NEK11: variants seen among roughly 807,000 people sequenced by gnomAD.
NEK11 encodes serine/threonine-protein kinase Nek11.
NEK11 carries 72 observed loss-of-function variants against 80.7 expected under a neutral mutation model. That is an observed-to-expected ratio of 0.89 (90% confidence interval 0.74 to 1.08). The LOEUF (loss-of-function observed/expected upper bound fraction) is 1.08. Among genes scored for constraint, NEK11 ranks in the 50% least tolerant of loss-of-function variants. NEK11 has a pLI of 0.00. For missense variants in NEK11, 764 were observed against 763.6 expected (o/e 1.00, Z -0.01); for synonymous variants, 251 against 260.7 (o/e 0.96, Z 0.36).
intron 14 of NEK11, among the ~76,000 whole-genome samples, chr3:131,224,219 T>C (rs943135163): frequency 2.6e-5 from 4 of 151,564 alleles, no homozygotes; most frequent in Non-Finnish European, 5.9e-5. Context: ...GTTACTGCTT[T>C]ATGTATTTAC....
intron 17 of NEK11, among the ~76,000 whole-genome samples, chr3:131,342,308 A>G (rs2097298972): frequency 6.6e-6 from 1 of 152,240 alleles, no homozygotes; most frequent in Non-Finnish European, 1.5e-5. Context: ...GATGCTTGTT[A>G]GCACCAAATG....
intron 17 of NEK11, among the ~76,000 whole-genome samples, chr3:131,334,555 G>C (rs543236534): frequency 6.6e-6 from 1 of 150,534 alleles, no homozygotes; most frequent in African/African-American, 2.5e-5. Flanking sequence ...ACAATTAAAA[G>C]AACTAGAAAA....
intron 3 of NEK11, among the ~76,000 whole-genome samples, chr3:131,030,245 AAAG>A (rs574307558): frequency 5.3e-5 from 8 of 152,178 alleles, no homozygotes; most frequent in Non-Finnish European, 1.0e-4. Flanking sequence ...AAAAAAAAAA[AAAG>A]AACATGGAGT....
chr3:131,217,803 CACA>C (rs1561030326), intron 14 of NEK11, among the ~76,000 whole-genome samples: 2 of 152,198 alleles, frequency 1.3e-5, no homozygotes, highest in Non-Finnish European at 2.9e-5. Context: ...AAAAAATTCT[CACA>C]ACAACAATTA....
intron 14 of NEK11, among the ~76,000 whole-genome samples, chr3:131,177,483 A>G (rs2093095550): frequency 6.6e-6 from 1 of 152,158 alleles, no homozygotes; most frequent in Non-Finnish European, 1.5e-5. Flanking sequence ...CAGATATAGA[A>G]TGGTTAGATG....
intron 14 of NEK11, among the ~76,000 whole-genome samples, chr3:131,227,489 C>A (rs562253058): frequency 5.3e-4 from 80 of 152,194 alleles, no homozygotes; most frequent in Non-Finnish European, 9.7e-4. Flanking sequence ...AAGTCTCTTG[C>A]ACAAATTTTC....
intron 17 of NEK11, chr3:131,330,644 T>C (rs2097060787): frequency 6.6e-6 from 1 of 152,246 alleles, no homozygotes; most frequent in African/African-American, 2.4e-5. Flanking sequence ...TCATCATTGT[T>C]ACTGATTTTT....
chr3:131,243,408 A>G lies in NEK11; in HGVS notation c.1561-28A>G, dbSNP rs1318857090. 6 of 1,606,870 alleles carry G rather than the reference A, an allele frequency of 3.7e-6. No individual in the cohort carries two copies. In the African/African-American group the frequency reaches 6.7e-5, roughly 18 times the overall value. ...AAGTATCCTTCTACCATACAGGGAA[A>G]ATAAACATTTCTCCCTTATTTTGAC... On this transcript the variant is annotated intron_variant, in intron 15 of 17. Transcript: ENST00000383366.
chr3:131,332,535 CTG>C (rs2097108529), intron 17 of NEK11, among the ~76,000 whole-genome samples: 1 of 152,200 alleles, frequency 6.6e-6, no homozygotes, highest in Non-Finnish European at 1.5e-5. Flanking sequence ...AGCAGAAAAA[CTG>C]GAAACTCTAA....
intron 17 of NEK11, among the ~76,000 whole-genome samples, chr3:131,337,611 A>G (rs990098957): frequency 7.6e-5 from 11 of 144,822 alleles, no homozygotes; most frequent in Non-Finnish European, 1.6e-4. Flanking sequence ...AACTTAAAGT[A>G]TAATAATAAT....
At chr3:131,263,256 A>G (rs139398919) in intron 16 of NEK11, among the ~76,000 whole-genome samples, 8,291 of 152,096 alleles carry the variant, frequency 0.055, 734 homozygotes, top group African/African-American at 0.19. Flanking sequence ...CTCATTGTTC[A>G]ATTCTTACCA....
chr3:131,143,363 T>G (rs1356638107), intron 7 of NEK11, among the ~76,000 whole-genome samples: 2 of 152,172 alleles, frequency 1.3e-5, no homozygotes, highest in Non-Finnish European at 2.9e-5. Context: ...CTGCTTCTTC[T>G]CACACAGATG....
At chr3:131,167,771 A>G (rs2092360874) in intron 12 of NEK11, among the ~76,000 whole-genome samples, 1 of 152,152 alleles carries the variant, frequency 6.6e-6, no homozygotes, top group African/African-American at 2.4e-5. Flanking sequence ...TGAACTCCCA[A>G]CTCATCACTT....
chr3:131,151,320 A>G (rs1023261720), intron 7 of NEK11, among the ~76,000 whole-genome samples: 6 of 152,066 alleles, frequency 3.9e-5, no homozygotes, highest in Non-Finnish European at 8.8e-5. Context: ...GTGCTTTGTA[A>G]AATGTAAAGT....
intron 16 of NEK11, among the ~76,000 whole-genome samples, chr3:131,244,267 T>C (rs1487765277): frequency 1.3e-5 from 2 of 152,150 alleles, no homozygotes; most frequent in Non-Finnish European, 2.9e-5. Flanking sequence ...TATAGCCTTT[T>C]TCTAGCTTAT....
At chr3:131,180,208 C>T (rs566618008) in intron 14 of NEK11, among the ~76,000 whole-genome samples, 2 of 152,228 alleles carry the variant, frequency 1.3e-5, no homozygotes, top group African/African-American at 4.8e-5. Context: ...GTCATGTGGC[C>T]CAACTTTCCA....
At chr3:131,344,699 C>A (rs1318345004) in intron 17 of NEK11, among the ~76,000 whole-genome samples, 1 of 152,244 alleles carries the variant, frequency 6.6e-6, no homozygotes, top group East Asian at 1.9e-4. Flanking sequence ...TCTGGGAAGG[C>A]CTTAGCGAGC....
intron 3 of NEK11, among the ~76,000 whole-genome samples, chr3:131,044,583 A>G (rs531115594): frequency 6.6e-6 from 1 of 152,208 alleles, no homozygotes; most frequent in Admixed American, 6.5e-5. Flanking sequence ...TATCCTAGGT[A>G]TATATGCACC....
chr3:131,093,711 G>A (rs2077058300), intron 4 of NEK11, among the ~76,000 whole-genome samples: 1 of 152,078 alleles, frequency 6.6e-6, no homozygotes, highest in South Asian at 2.1e-4. Context: ...TAGCCCAGAT[G>A]TGCAATTTGA....
Sources: gnomAD v4.1 joint callset for allele counts (sites outside exome capture counted in the v4.1 genomes callset) on GRCh38, gnomAD v4.1.1 for gene constraint, MANE v1.5 for transcripts, NCBI Gene and HGNC (gene_info 2026-07-23, HGNC 2026-07-21) for gene names.